NEBL: variants seen among roughly 807,000 people sequenced by gnomAD.
The protein encoded by NEBL is LIM and SH3 protein 2.
In NEBL, 122 loss-of-function variants were observed where a neutral mutation model predicts 140.2. The ratio of observed to expected loss-of-function variants is 0.87; its 90% CI spans 0.75 to 1.01. The LOEUF (loss-of-function observed/expected upper bound fraction) is 1.01. Among genes scored for constraint, NEBL ranks in the 50% least tolerant of loss-of-function variants. The pLI is 0.00. For synonymous variants in NEBL, 436 were observed against 398.9 expected (o/e 1.09, Z -1.11); for missense variants, 1,365 against 1,231.3 (o/e 1.11, Z -1.62).
At position 20,822,469 on chromosome 10, in the gene NEBL, T is replaced by A. The variant is rs995185549; in HGVS notation, c.1962+739A>T. 2.0e-5 allele frequency among the ~76,000 whole-genome samples: 3 copies of A among 151,882 alleles called. No homozygotes were observed. In the South Asian group the frequency reaches 6.2e-4, roughly 32 times the overall value. On this transcript the variant is annotated intron_variant, in intron 19 of 27. Transcript: ENST00000377122. Reference sequence around the variant, plus strand: ...TATAGATAAAAGAAATAGAAAATGTTCTTTTTTGTGATTTGTTTTGCTTTG... The same window carrying A: ...TATAGATAAAAGAAATAGAAAATGTACTTTTTTGTGATTTGTTTTGCTTTG...
chr10:20,903,469 G>A (rs182289156), intron 4 of NEBL, among the ~76,000 whole-genome samples: 63 of 152,220 alleles, frequency 4.1e-4, no homozygotes, highest in Middle Eastern at 3.4e-3. Flanking sequence ...CTTTTTTAAA[G>A]AACTAAAAGT....
chr10:21,055,917 C>G (rs2131864206), intron 2 of NEBL, among the ~76,000 whole-genome samples: 2 of 152,298 alleles, frequency 1.3e-5, no homozygotes, highest in South Asian at 4.2e-4. Flanking sequence ...GCCAGAGTAT[C>G]TTGGCTCTGG....
intron 2 of NEBL, among the ~76,000 whole-genome samples, chr10:21,090,590 A>G (rs993685820): frequency 6.6e-6 from 1 of 152,208 alleles, no homozygotes; most frequent in Non-Finnish European, 1.5e-5. Flanking sequence ...TTATAAGAAT[A>G]TATTTATACA....
chr10:20,944,969 G>T (rs1205680016), intron 4 of NEBL, among the ~76,000 whole-genome samples: 1 of 152,030 alleles, frequency 6.6e-6, no homozygotes, highest in Non-Finnish European at 1.5e-5. Flanking sequence ...TTGACCACAG[G>T]ACTAGATTAA....
chr10:20,870,536 T>A (rs1468292129), intron 5 of NEBL, among the ~76,000 whole-genome samples: 1 of 152,050 alleles, frequency 6.6e-6, no homozygotes, highest in Non-Finnish European at 1.5e-5. Context: ...CCCCAGTGGG[T>A]GCAAGATAAG....
intron 3 of NEBL, among the ~76,000 whole-genome samples, chr10:21,214,465 G>C (rs1379522710): frequency 6.6e-6 from 1 of 150,886 alleles, no homozygotes; most frequent in African/African-American, 2.4e-5. Context: ...CACACACATG[G>C]CACACACATG....
intron 2 of NEBL, among the ~76,000 whole-genome samples, chr10:21,082,760 C>T (rs1484015113): frequency 1.9e-5 from 1 of 52,842 alleles, no homozygotes; most frequent in African/African-American, 5.4e-5. Flanking sequence ...AGGAGGGATG[C>T]ATTTTTTTTT....
intron 7 of NEBL, chr10:20,867,859 C>G (rs992051827): frequency 2.6e-5 from 4 of 151,876 alleles, no homozygotes; most frequent in Non-Finnish European, 2.9e-5. Context: ...TTTCAGGACT[C>G]CCTATTCTAT....
intron 3 of NEBL, among the ~76,000 whole-genome samples, chr10:20,984,118 T>A (rs1589108036): frequency 1.9e-5 from 1 of 52,878 alleles, no homozygotes; most frequent in Non-Finnish European, 3.6e-5. Context: ...CAACAGAAAA[T>A]GTACCTGAAA....
At chr10:20,817,836 G>C (rs183738057) in intron 20 of NEBL, 144 bp from the exon 21 acceptor site, 1 of 719,550 alleles carries the variant, frequency 1.4e-6, no homozygotes, top group African/African-American at 1.8e-5. Flanking sequence ...TTACATATAC[G>C]CCCACATTCC....
intron 3 of NEBL, among the ~76,000 whole-genome samples, chr10:20,965,866 G>A (rs911916497): frequency 7.2e-5 from 11 of 152,250 alleles, no homozygotes; most frequent in East Asian, 5.8e-4. Flanking sequence ...TGGCGTCCCC[G>A]AAAGACCCCA....
At chr10:20,941,150 C>A (rs1834838462) in intron 4 of NEBL, among the ~76,000 whole-genome samples, 1 of 152,180 alleles carries the variant, frequency 6.6e-6, no homozygotes, top group South Asian at 2.1e-4. Context: ...GAATTTTAGA[C>A]CAATATCCCT....
chr10:21,089,896 T>C (rs1471462287), intron 2 of NEBL, among the ~76,000 whole-genome samples: 1 of 152,244 alleles, frequency 6.6e-6, no homozygotes, highest in Non-Finnish European at 1.5e-5. Context: ...TTTGTAGCAC[T>C]GTGCCTTCTT....
intron 2 of NEBL, among the ~76,000 whole-genome samples, chr10:21,135,146 A>C (rs547919244): frequency 6.6e-6 from 1 of 152,228 alleles, no homozygotes; most frequent in African/African-American, 2.4e-5. Flanking sequence ...CCAGAGCTCA[A>C]GCTGAGAGGA....
At chr10:21,043,090 G>A (rs633714) in intron 2 of NEBL, among the ~76,000 whole-genome samples, 92,269 of 152,030 alleles carry the variant, frequency 0.61, 28,087 homozygotes, top group East Asian at 0.72. Context: ...AGCTCTTCTA[G>A]AGACTTAAAT....
chr10:21,002,894 T>G (rs1231564103), intron 3 of NEBL, among the ~76,000 whole-genome samples: 1 of 151,902 alleles, frequency 6.6e-6, no homozygotes, highest in African/African-American at 2.4e-5. Flanking sequence ...CATCAATTAG[T>G]GAGGTCTCTT....
intron 3 of NEBL, among the ~76,000 whole-genome samples, chr10:21,014,547 T>C (rs1023380792): frequency 1.3e-5 from 2 of 152,232 alleles, no homozygotes; most frequent in Non-Finnish European, 2.9e-5. Flanking sequence ...TCAGGGATTC[T>C]TTGCTTTGAA....
At chr10:20,938,663 C>T (rs1834654064) in intron 4 of NEBL, among the ~76,000 whole-genome samples, 1 of 152,040 alleles carries the variant, frequency 6.6e-6, no homozygotes, top group Admixed American at 6.5e-5. Context: ...GAAGTTCGAA[C>T]CCATGGCAAA....
chr10:21,035,212 G>T lies in NEBL; in HGVS notation c.165-15011C>A, dbSNP rs1833965120. Among the ~76,000 whole-genome samples the T allele has an allele frequency of 2.0e-5, 3 of 152,098 alleles. No individual in the cohort carries two copies. In the South Asian group the frequency reaches 6.2e-4, roughly 32 times the overall value. ...AGAGTTTCACCATGTTGGCCAGGCT[G>T]TTTTCAAACTCCTGGCCTCAAGTGA... On this transcript the variant is annotated intron_variant, in intron 2 of 6. Coordinates refer to the NEBL transcript ENST00000417816.
Sources: gnomAD v4.1 joint callset for allele counts (sites outside exome capture counted in the v4.1 genomes callset) on GRCh38, gnomAD v4.1.1 for gene constraint, MANE v1.5 for transcripts, NCBI Gene and HGNC (gene_info 2026-07-23, HGNC 2026-07-21) for gene names.